Variants in EHBP1 observed in about 807,000 individuals in gnomAD.
The protein encoded by EHBP1 is EH domain binding protein 1.
EHBP1 carries 55 observed loss-of-function variants against 144.0 expected under a neutral mutation model. The ratio of observed to expected loss-of-function variants is 0.38; its 90% CI spans 0.31 to 0.48. EHBP1 has a LOEUF of 0.48. Among genes scored for constraint, EHBP1 ranks in the 20% least tolerant of loss-of-function variants. EHBP1 has a pLI of 0.98. For missense variants in EHBP1, 1,200 were observed against 1,364.2 expected, an observed-to-expected ratio of 0.88 and a Z score of 1.90; for synonymous variants, 469 against 472.7, an observed-to-expected ratio of 0.99 and a Z score of 0.10.
chr2:62,721,525 A>G (rs2036222328), intron 2 of EHBP1, among the ~76,000 whole-genome samples: 1 of 152,238 alleles, frequency 6.6e-6, no homozygotes, highest in Non-Finnish European at 1.5e-5. Context: ...GAATTTGAAC[A>G]TATGTTACAA....
At chr2:62,783,720 A>G (rs1246815228) in intron 5 of EHBP1, among the ~76,000 whole-genome samples, 1 of 152,166 alleles carries the variant, frequency 6.6e-6, no homozygotes, top group Non-Finnish European at 1.5e-5. Flanking sequence ...GGCTCAGGAA[A>G]CCATTTTTCC....
intron 2 of EHBP1, among the ~76,000 whole-genome samples, chr2:62,733,913 T>G (rs1316896705): frequency 6.6e-6 from 1 of 152,258 alleles, no homozygotes; most frequent in Non-Finnish European, 1.5e-5. Context: ...CCTGGACTGC[T>G]TCTCCTGTAA....
At chr2:62,897,259 C>G (rs2053012221) in intron 10 of EHBP1, among the ~76,000 whole-genome samples, 1 of 152,130 alleles carries the variant, frequency 6.6e-6, no homozygotes, top group South Asian at 2.1e-4. Context: ...AACAGTTATC[C>G]TAGAAATCTT....
chr2:63,029,648 T>A (rs1325580525), intron 19 of EHBP1, among the ~76,000 whole-genome samples: 1 of 152,112 alleles, frequency 6.6e-6, no homozygotes, highest in East Asian at 1.9e-4. Flanking sequence ...CATATAGAGA[T>A]GAAGAAACTG....
At chr2:62,819,480 G>A (rs2045717040) in intron 5 of EHBP1, among the ~76,000 whole-genome samples, 3 of 152,120 alleles carry the variant, frequency 2.0e-5, no homozygotes, top group Admixed American at 6.6e-5. Flanking sequence ...ACCTGCAGCC[G>A]GGCACAGTGG....
At chr2:62,822,384 T>C (rs1363040281) in intron 5 of EHBP1, among the ~76,000 whole-genome samples, 2 of 152,204 alleles carry the variant, frequency 1.3e-5, no homozygotes, top group Non-Finnish European at 2.9e-5. Flanking sequence ...ACATTCTGCA[T>C]TGAATTGTGC....
chr2:62,871,802 C>T (rs1287879626), intron 9 of EHBP1, among the ~76,000 whole-genome samples: 1 of 152,178 alleles, frequency 6.6e-6, no homozygotes, highest in East Asian at 1.9e-4. Flanking sequence ...TTCACCCTTC[C>T]TTGCCTTTTA....
chr2:62,715,847 G>C (rs147292570), intron 2 of EHBP1, among the ~76,000 whole-genome samples: 1 of 152,056 alleles, frequency 6.6e-6, no homozygotes, highest in Non-Finnish European at 1.5e-5. Flanking sequence ...TGAGAGAAAC[G>C]TTTTCTATCT....
intron 19 of EHBP1, among the ~76,000 whole-genome samples, chr2:63,028,318 A>C (rs1559087801): frequency 6.6e-6 from 1 of 152,228 alleles, no homozygotes; most frequent in Non-Finnish European, 1.5e-5. Context: ...TGATCAAAGC[A>C]GGTATAGAGT....
intron 2 of EHBP1, among the ~76,000 whole-genome samples, chr2:62,741,106 G>A (rs2038667437): frequency 6.6e-6 from 1 of 152,094 alleles, no homozygotes; most frequent in African/African-American, 2.4e-5. Context: ...GGCTACTCTT[G>A]TCTTATGACT....
chr2:62,881,418 G>GAAAAAAAAAAAAAAA (rs371288881), intron 10 of EHBP1, among the ~76,000 whole-genome samples: 4 of 69,762 alleles, frequency 5.7e-5, no homozygotes, highest in Admixed American at 1.9e-4. Context: ...AGGAAAAACG[G>GAAAAAAAAAAAAAAA]AAAAAAAAAA....
chr2:62,787,574 A>C (rs924469698), intron 5 of EHBP1, among the ~76,000 whole-genome samples: 2 of 152,342 alleles, frequency 1.3e-5, no homozygotes, highest in African/African-American at 4.8e-5. Flanking sequence ...AGCACAGTGC[A>C]GCATAGTAGT....
At chr2:63,024,207 G>C (rs181563607) in intron 19 of EHBP1, among the ~76,000 whole-genome samples, 2 of 152,166 alleles carry the variant, frequency 1.3e-5, no homozygotes, top group Admixed American at 1.3e-4. Context: ...AGCCAGGCGT[G>C]GTGGCAGGTG....
intron 10 of EHBP1, among the ~76,000 whole-genome samples, chr2:62,923,167 A>G (rs529974346): frequency 7.2e-5 from 11 of 152,106 alleles, no homozygotes; most frequent in Non-Finnish European, 1.6e-4. Flanking sequence ...CTCCAAACCT[A>G]CACCAGTGGC....
intron 19 of EHBP1, among the ~76,000 whole-genome samples, chr2:63,011,543 T>C (rs1163498591): frequency 6.6e-6 from 1 of 151,976 alleles, no homozygotes; most frequent in African/African-American, 2.4e-5. Flanking sequence ...GTTCAGCCTT[T>C]TTACATCTTT....
intron 15 of EHBP1, among the ~76,000 whole-genome samples, chr2:62,985,353 G>A (rs2153216678): frequency 6.6e-6 from 1 of 152,140 alleles, no homozygotes; most frequent in Non-Finnish European, 1.5e-5. Context: ...AATTGACGCT[G>A]CTCTAACTTA....
chr2:62,988,547 A>G (rs566714632), intron 15 of EHBP1, among the ~76,000 whole-genome samples: 5 of 152,308 alleles, frequency 3.3e-5, no homozygotes, highest in African/African-American at 9.6e-5. Context: ...TTTGAAAACT[A>G]TATAGACTGC....
In EHBP1 at chr2:62,942,677, T is replaced by C. The variant is rs754152007; in HGVS notation, c.1186-41T>C. On this transcript the variant is annotated intron_variant, in intron 10 of 22. Transcript: ENST00000431489. ...AATTAATGTTAATTTTCATCTTCCA[T>C]TAAATTCTTTTAATGTTTTCCCCTT... 10 of 1,513,020 alleles carry C rather than the reference T, an allele frequency of 6.6e-6. No individual in the cohort carries two copies. The Admixed American group carries it at 2.0e-4, about 31-fold the overall frequency. The allele number at this position is 1,513,020 out of a possible 1,614,324, so 93.7% of individuals were successfully genotyped here.
At chr2:62,750,551 T>G (rs967966789) in intron 3 of EHBP1, among the ~76,000 whole-genome samples, 1 of 152,216 alleles carries the variant, frequency 6.6e-6, no homozygotes. Flanking sequence ...GGGATGGCAT[T>G]GAATCTATAA....
Sources: allele counts gnomAD v4.1 joint callset (sites outside exome capture counted in the v4.1 genomes callset), GRCh38; gene constraint gnomAD v4.1.1; transcripts MANE v1.5; gene names NCBI Gene and HGNC (gene_info 2026-07-23, HGNC 2026-07-21).